RAB33A: variants seen among roughly 807,000 people sequenced by gnomAD.
RAB33A encodes the protein RAB33A, member RAS oncogene family.
RAB33A carries 6 observed loss-of-function variants against 12.0 expected under a neutral mutation model. The observed-to-expected ratio is 0.50, with a 90% CI of 0.27 to 0.99. The LOEUF (loss-of-function observed/expected upper bound fraction) is 0.99, where lower values mean the gene tolerates loss of function less well. RAB33A is among the 50% of genes least tolerant of loss of function. The probability of loss-of-function intolerance (pLI) is 0.11; values close to 1 mark genes in which losing one functional copy is unlikely to be tolerated. For missense variants in RAB33A, 109 were observed against 192.0 expected (o/e 0.57, Z 2.55); for synonymous variants, 70 against 82.4 (o/e 0.85, Z 0.81).
At chrX:130,129,402 A>G in the RAB33A span, 1 of 505,064 alleles carries the variant, frequency 2.0e-6, no homozygotes, top group Non-Finnish European at 3.5e-6. Flanking sequence ...CTATGTGAAC[A>G]TTAAGAATTT....
the RAB33A span, among the ~76,000 whole-genome samples, chrX:130,135,082 C>CT: frequency 3.4e-3 from 343 of 100,639 alleles, no homozygotes; most frequent in East Asian, 5.8e-3. Context: ...CCACATATTA[C>CT]TTTTTTTTTT....
At chrX:130,116,590 C>T in the RAB33A span, among the ~76,000 whole-genome samples, 1 of 112,400 alleles carries the variant, frequency 8.9e-6, no homozygotes, top group African/African-American at 3.2e-5. Flanking sequence ...TCGCGCCTGG[C>T]CACCCCAGGT....
chrX:130,175,870 T>C (rs939864076), intron 1 of RAB33A, among the ~76,000 whole-genome samples: 4 of 111,542 alleles, frequency 3.6e-5, no homozygotes, highest in African/African-American at 1.3e-4. Context: ...TTACAGATTC[T>C]GTGATCCAGT....
the RAB33A span, among the ~76,000 whole-genome samples, chrX:130,151,593 T>C: frequency 8.9e-6 from 1 of 112,280 alleles, no homozygotes; most frequent in African/African-American, 3.2e-5. Context: ...AAGTACTGTA[T>C]GGGAAAAGAC....
At chrX:130,129,653 G>T in the RAB33A span, 1 of 1,180,535 alleles carries the variant, frequency 8.5e-7, no homozygotes, top group East Asian at 3.0e-5. Context: ...GTAACAATAG[G>T]TCCCTAACTT....
the RAB33A span, among the ~76,000 whole-genome samples, chrX:130,119,461 G>A: frequency 1.3e-4 from 15 of 112,169 alleles, no homozygotes; most frequent in South Asian, 1.1e-3. Context: ...AGCCAGCGCC[G>A]TGGCATCAGG....
the RAB33A span, chrX:130,137,607 T>C: frequency 1.8e-6 from 2 of 1,134,997 alleles, no homozygotes; most frequent in Admixed American, 3.0e-5. Context: ...GGAACCATCA[T>C]GTGCCCAAAG....
chrX:130,135,536 T>C, the RAB33A span, among the ~76,000 whole-genome samples: 3 of 108,822 alleles, frequency 2.8e-5, no homozygotes, highest in African/African-American at 1.0e-4. Flanking sequence ...CACAATACAC[T>C]TGTAACTAGC....
At chrX:130,113,992 T>C in the RAB33A span, among the ~76,000 whole-genome samples, 1 of 112,138 alleles carries the variant, frequency 8.9e-6, no homozygotes, top group Non-Finnish European at 1.9e-5. Flanking sequence ...CTCTCTTAGG[T>C]GTCATGTTCA....
At chrX:130,135,959 TTGA>T in the RAB33A span, 4 of 1,150,108 alleles carry the variant, frequency 3.5e-6, no homozygotes, top group Non-Finnish European at 4.8e-6. Context: ...GGTTAGGCTG[TTGA>T]TGAGCTTTAG....
chrX:130,139,943 C>T, the RAB33A span: 1 of 886,659 alleles, frequency 1.1e-6, no homozygotes, highest in Non-Finnish European at 1.7e-6. Context: ...CCCTCCACCA[C>T]ACAAAGGTGG....
At chrX:130,128,394 G>C in the RAB33A span, among the ~76,000 whole-genome samples, 4 of 110,821 alleles carry the variant, frequency 3.6e-5, no homozygotes, top group Admixed American at 9.7e-5. Context: ...CCATCATGGA[G>C]AAACCCCATC....
At position 130,184,651 on chromosome X, in the gene RAB33A, C is replaced by A. The variant is rs1309500602; in HGVS notation, c.625C>A (p.Leu209Met). The A allele has an allele frequency of 8.3e-7, 1 of 1,212,021 alleles. No individual in the cohort carries two copies. Among genetic ancestry groups the A allele is most frequent in the Non-Finnish European group, 1.1e-6 (1 of 895,571 alleles). ...ACRLKAQKSL[L>M]YRDAERQQGK... ...CCGATTGAAGGCCCAGAAATCCCTG[C>A]TGTATCGTGATGCTGAGAGGCAGCA... Residue 209 changes from leucine to methionine, a missense_variant, in exon 2 of 2, where the codon CTG becomes ATG. Transcript: ENST00000257017.
the RAB33A span, among the ~76,000 whole-genome samples, chrX:130,127,691 C>CTTTTTTTTT: frequency 0.012 from 925 of 76,897 alleles, 65 homozygotes; most frequent in African/African-American, 0.044. Context: ...ATGAGTTTTC[C>CTTTTTTTTT]TTTTTTTTTT....
At chrX:130,173,215 A>T (rs1212021782) in intron 1 of RAB33A, among the ~76,000 whole-genome samples, 4 of 112,245 alleles carry the variant, frequency 3.6e-5, no homozygotes, top group Admixed American at 2.8e-4. Context: ...TGACAGGAAT[A>T]TGTCAATGTG....
the RAB33A span, among the ~76,000 whole-genome samples, chrX:130,160,672 C>A: frequency 1.8e-5 from 2 of 111,681 alleles, no homozygotes; most frequent in African/African-American, 6.5e-5. Context: ...TCCACCTTAG[C>A]CTCCAGAATA....
the RAB33A span, among the ~76,000 whole-genome samples, chrX:130,121,385 G>A: frequency 9.2e-6 from 1 of 108,124 alleles, no homozygotes; most frequent in African/African-American, 3.4e-5. Flanking sequence ...GGAGTAGCTC[G>A]AATTACAGGC....
chrX:130,174,588 G>C (rs778534302), intron 1 of RAB33A, among the ~76,000 whole-genome samples: 2 of 112,416 alleles, frequency 1.8e-5, no homozygotes, highest in Non-Finnish European at 3.8e-5. Context: ...ACTGCCAAGG[G>C]CTTCGTCCTT....
intron 1 of RAB33A, among the ~76,000 whole-genome samples, chrX:130,174,912 C>T (rs766570097): frequency 1.8e-5 from 2 of 110,569 alleles, no homozygotes; most frequent in African/African-American, 6.6e-5. Flanking sequence ...TTATGTTCCC[C>T]ACCCTCACCC....
Sources: gnomAD v4.1 joint callset for allele counts (sites outside exome capture counted in the v4.1 genomes callset) on GRCh38, gnomAD v4.1.1 for gene constraint, MANE v1.5 for transcripts, NCBI Gene and HGNC (gene_info 2026-07-23, HGNC 2026-07-21) for gene names.